Variants in WASHC4 observed in about 807,000 individuals in gnomAD.
The protein encoded by WASHC4 is WASH complex subunit 4, also known as WASH complex subunit 7.
A neutral mutation model predicts 166.6 loss-of-function variants in WASHC4; 86 were observed. The ratio of observed to expected loss-of-function variants is 0.52; its 90% confidence interval spans 0.43 to 0.62. The LOEUF is 0.62. Ranked by LOEUF, WASHC4 falls within the 20% of genes least tolerant of loss-of-function variation. The probability of loss-of-function intolerance (pLI) is 0.00; values close to 1 mark genes in which losing one functional copy is unlikely to be tolerated. For synonymous variants in WASHC4, 446 were observed against 451.6 expected (o/e 0.99, Z 0.16); for missense variants, 1,262 against 1,382.4 (o/e 0.91, Z 1.38).
intron 26 of WASHC4, among the ~76,000 whole-genome samples, chr12:105,154,949 A>G (rs1436172970): frequency 1.3e-5 from 2 of 152,242 alleles, no homozygotes; most frequent in Non-Finnish European, 2.9e-5. Context: ...AATAGATTCA[A>G]TGTTAACTGC....
At chr12:105,122,071 AG>A in intron 9 of WASHC4, 46 bp from the exon 10 acceptor site, 1 of 1,388,498 alleles carries the variant, frequency 7.2e-7, no homozygotes, top group Non-Finnish European at 1.0e-6. Context: ...TTTTAATTTA[AG>A]AATTTATTAG....
chr12:105,137,280 C>A (rs879712515), intron 14 of WASHC4, among the ~76,000 whole-genome samples: 2 of 152,150 alleles, frequency 1.3e-5, no homozygotes, highest in Non-Finnish European at 2.9e-5. Context: ...GAGGGAGAAT[C>A]TGTTCTCATT....
chr12:105,125,861 T>G, intron 10 of WASHC4, 143 bp from the exon 11 acceptor site: 3 of 755,972 alleles, frequency 4.0e-6, no homozygotes, highest in Non-Finnish European at 4.3e-6. Flanking sequence ...TTAGATTAGA[T>G]TAAGAACCTG....
chr12:105,139,425 GTATATATATATATATATATATA>G lies in WASHC4; in HGVS notation c.1453-857_1453-836del, dbSNP rs71069791. ...AGACAGACTATATATATGTGTGTGT[GTATATATATATATATATATATA>G]TATATATATATGCCTCCCACAATAC... On this transcript the variant is annotated intron_variant, in intron 15 of 32. Transcript: ENST00000332180. Among the ~76,000 whole-genome samples the G allele has an allele frequency of 6.2e-4, 64 of 103,190 alleles. 1 individual carries two copies. Among genetic ancestry groups the G allele is most frequent in the Non-Finnish European group, 1.4e-4 (7 of 50,734 alleles). The allele number at this position is 103,190 out of a possible 152,430, so 67.7% of individuals were successfully genotyped here. A position where few individuals can be genotyped will look rare whatever the true frequency, so the allele number is the denominator to read the frequency against.
At chr12:105,113,614 A>C (rs1879896813) in intron 2 of WASHC4, among the ~76,000 whole-genome samples, 1 of 152,080 alleles carries the variant, frequency 6.6e-6, no homozygotes, top group African/African-American at 2.4e-5. Context: ...AGGGTATATA[A>C]TAACTTACTT....
intron 13 of WASHC4, 66 bp from the exon 14 acceptor site, chr12:105,133,704 C>CA: frequency 1.5e-6 from 2 of 1,295,864 alleles, no homozygotes; most frequent in South Asian, 2.4e-5. Flanking sequence ...TAATGTACTG[C>CA]AATCAGTATC....
intron 10 of WASHC4, among the ~76,000 whole-genome samples, chr12:105,122,890 A>G (rs898710547): frequency 7.2e-5 from 11 of 152,172 alleles, no homozygotes; most frequent in African/African-American, 2.7e-4. Flanking sequence ...ATTCTCTGAG[A>G]CACAACCATA....
intron 13 of WASHC4, among the ~76,000 whole-genome samples, chr12:105,127,683 CTTTTTA>C (rs1298303740): frequency 3.3e-5 from 5 of 152,058 alleles, no homozygotes; most frequent in African/African-American, 1.2e-4. Flanking sequence ...TTTCCCCCTT[CTTTTTA>C]TTTTTATGAA....
At position 105,160,166 on chromosome 12, in the gene WASHC4, C is replaced by G; in HGVS notation, c.3060+18C>G. ...CCCCTCTGGTGAGTATTTCCAGAACCTAAAATGAATTTTTTTTTTAAAAAG... is the reference window on the plus strand; with the variant it reads ...CCCCTCTGGTGAGTATTTCCAGAACGTAAAATGAATTTTTTTTTTAAAAAG... On this transcript the variant is annotated intron_variant, in intron 29 of 32. Transcript: ENST00000332180. 1 of 1,606,064 alleles carries G rather than the reference C, an allele frequency of 6.2e-7. No individual in the cohort carries two copies.
At chr12:105,108,978 A>G (rs1380198706) in intron 1 of WASHC4, among the ~76,000 whole-genome samples, 1 of 152,188 alleles carries the variant, frequency 6.6e-6, no homozygotes, top group African/African-American at 2.4e-5. Context: ...CGTCTCTACT[A>G]AAAAATAAAT....
At chr12:105,138,456 A>G (rs1033017124) in intron 15 of WASHC4, among the ~76,000 whole-genome samples, 1 of 152,010 alleles carries the variant, frequency 6.6e-6, no homozygotes, top group African/African-American at 2.4e-5. Context: ...TGTAATTTAG[A>G]TGAAGTGCTG....
chr12:105,115,371 C>A, intron 5 of WASHC4, 142 bp downstream of exon 5: 1 of 725,030 alleles, frequency 1.4e-6, no homozygotes, highest in Non-Finnish European at 2.5e-6. Flanking sequence ...GTTTGGTAAA[C>A]AGGTAAAAAA....
chr12:105,115,997 T>C (rs1260466996), intron 6 of WASHC4, among the ~76,000 whole-genome samples: 4 of 152,148 alleles, frequency 2.6e-5, no homozygotes, highest in African/African-American at 4.8e-5. Context: ...ATTTAAACTT[T>C]GTACCCACTG....
intron 25 of WASHC4, among the ~76,000 whole-genome samples, chr12:105,151,747 T>G (rs4964334): frequency 0.19 from 29,376 of 152,204 alleles, 2,948 homozygotes; most frequent in East Asian, 0.28. Flanking sequence ...CCCAAAGTGC[T>G]GGGATTACAG....
intron 15 of WASHC4, among the ~76,000 whole-genome samples, chr12:105,139,425 GTATATATA>G (rs71069791): frequency 0.02 from 2,052 of 103,194 alleles, 67 homozygotes; most frequent in African/African-American, 0.029. Context: ...ATGTGTGTGT[GTATATATA>G]TATATATATA....
At chr12:105,151,487 CTT>C (rs1237697893) in intron 25 of WASHC4, among the ~76,000 whole-genome samples, 3 of 145,630 alleles carry the variant, frequency 2.1e-5, no homozygotes, top group East Asian at 2.0e-4. Context: ...TGTATTAACT[CTT>C]TTTTTTTTTT....
In WASHC4 at chr12:105,146,544, A is replaced by ATT. The variant is rs199922129; in HGVS notation, c.2409+29_2409+30dup. On this transcript the variant is annotated intron_variant, in intron 23 of 32. Transcript: ENST00000332180. The stretch of plus-strand genomic sequence containing the variant: ...ACAATCAGGTGAGTAGGGTTTATAA[A>ATT]TTTTTTTTTTTTAATGTAGGTGGAG... 8.0e-3 allele frequency: 9,891 copies of ATT among 1,240,852 alleles called. No homozygotes were observed. Among genetic ancestry groups the ATT allele is most frequent in the Non-Finnish European group, 9.3e-3 (8,084 of 872,782 alleles). The allele number at this position is 1,240,852 out of a possible 1,614,324, so 76.9% of individuals were successfully genotyped here. A position where few individuals can be genotyped will look rare whatever the true frequency, so the allele number is the denominator to read the frequency against.
In WASHC4 at chr12:105,156,788, A is replaced by AT; in HGVS notation, c.2823dup (p.Arg942Ter). On this transcript the variant is annotated frameshift_variant, in exon 27 of 33. Coordinates refer to ENST00000332180, the MANE Select transcript of WASHC4 (RefSeq NM_015275.3). LOFTEE classifies it high-confidence loss of function. Reference sequence around the variant, plus strand: ...TGGTCTTCATTGTAGCAGCAATGCCATTAGGTATGGATGCAAACATCATTT... The same window carrying AT: ...TGGTCTTCATTGTAGCAGCAATGCCATTTAGGTATGGATGCAAACATCATTT... 1 of 1,609,756 alleles carries AT rather than the reference A, an allele frequency of 6.2e-7. No homozygotes were observed. Among genetic ancestry groups the AT allele is most frequent in the Non-Finnish European group, 8.5e-7 (1 of 1,176,516 alleles).
In WASHC4 at chr12:105,115,328, A is replaced by G. The variant is rs562222760; in HGVS notation, c.367+99A>G. On this transcript the variant is annotated intron_variant, in intron 5 of 32. Transcript: ENST00000332180. ...ACTACTATGATTATATAATAGTGTG[A>G]GAAAAATAAGTATTCATATTTTTTG... 6.0e-4 allele frequency: 480 copies of G among 805,054 alleles called. 3 individuals carry two copies. In the South Asian group the frequency reaches 6.8e-3, roughly 11 times the overall value. The allele number at this position is 805,054 out of a possible 1,614,324, so 49.9% of individuals were successfully genotyped here.
Sources: gnomAD v4.1 joint callset for allele counts (sites outside exome capture counted in the v4.1 genomes callset) on GRCh38, gnomAD v4.1.1 for gene constraint, MANE v1.5 for transcripts, NCBI Gene and HGNC (gene_info 2026-07-23, HGNC 2026-07-21) for gene names.